Variants in EHMT1 observed in about 807,000 individuals in gnomAD.
EHMT1 encodes histone-lysine N-methyltransferase EHMT1.
In EHMT1, 15 loss-of-function variants were observed where a neutral mutation model predicts 147.2. The ratio of observed to expected loss-of-function variants is 0.10; its 90% CI spans 0.07 to 0.16. The LOEUF is 0.16. EHMT1 is among the 10% of genes least tolerant of loss of function. The pLI is 1.00. For missense variants in EHMT1, 1,587 were observed against 1,772.4 expected (o/e 0.90, Z 1.88); for synonymous variants, 795 against 709.6 (o/e 1.12, Z -1.91).
chr9:137,623,206 C>A (rs1843043055), intron 1 of EHMT1, among the ~76,000 whole-genome samples: 1 of 150,312 alleles, frequency 6.7e-6, no homozygotes, highest in Admixed American at 6.6e-5. Flanking sequence ...GAGCAAGACT[C>A]CGTCTCAAAA....
At chr9:137,631,215 C>T (rs1040367873) in intron 1 of EHMT1, among the ~76,000 whole-genome samples, 1 of 151,882 alleles carries the variant, frequency 6.6e-6, no homozygotes, top group African/African-American at 2.4e-5. Context: ...ATTGGTGGAA[C>T]CCTGTCTCTA....
In EHMT1 at chr9:137,782,275, CTG is replaced by C. The variant is rs1588682427; in HGVS notation, c.2276-12_2276-11del. 2.5e-6 allele frequency: 4 copies of C among 1,606,452 alleles called. No homozygotes were observed. Among genetic ancestry groups the C allele is most frequent in the Non-Finnish European group, 3.4e-6 (4 of 1,174,266 alleles). On this transcript the variant is annotated splice_polypyrimidine_tract_variant and intron_variant, in intron 14 of 26. Coordinates refer to ENST00000460843, the MANE Select transcript of EHMT1 (RefSeq NM_024757.5). The surrounding 1 kb of genome is among the most constrained non-coding windows in gnomAD (Gnocchi z 5.7). ...GCTACATCTGAAATCATTAATAAAA[CTG>C]TGTTTGTTCACAGTGGACGGAATTG...
intron 25 of EHMT1, among the ~76,000 whole-genome samples, chr9:137,818,727 C>T (rs71510847): frequency 3.9e-4 from 7 of 17,764 alleles, no homozygotes; most frequent in South Asian, 2.5e-3. Flanking sequence ...GTACCGAGAC[C>T]GTAGAGAGGC....
chr9:137,669,377 G>GACGCCCCCTCAGCACGTGCACTC (rs1564562646), intron 1 of EHMT1, among the ~76,000 whole-genome samples: 1 of 3,284 alleles, frequency 3.0e-4, no homozygotes, highest in Admixed American at 4.2e-3. Flanking sequence ...CACGTGCACT[G>GACGCCCCCTCAGCACGTGCACTC]GACTCCACCC....
chr9:137,787,147 G>A lies in EHMT1; in HGVS notation c.2383-3701G>A, dbSNP rs1038934265. The A allele has an allele frequency of 1.3e-5, 2 of 152,130 alleles. No individual in the cohort carries two copies. Among genetic ancestry groups the A allele is most frequent in the African/African-American group, 2.4e-5 (1 of 41,356 alleles). The allele number at this position is 152,130 out of a possible 1,614,324, so 9.4% of individuals were successfully genotyped here. ...GAGAGCACTGAGCGAGGTGCCACAC[G>A]CTGCCATCCGAACTCACCACAGACA... On this transcript the variant is annotated intron_variant, in intron 15 of 26. Transcript: ENST00000460843. This position sits in a 1 kb window ranked among gnomAD's most constrained non-coding sequence, Gnocchi z 4.2.
chr9:137,644,503 T>G (rs1844742056), intron 1 of EHMT1, among the ~76,000 whole-genome samples: 2 of 152,150 alleles, frequency 1.3e-5, no homozygotes. Context: ...AATTTTTGTA[T>G]TTTTAATAGA....
chr9:137,675,771 C>A (rs1388760818), intron 1 of EHMT1, among the ~76,000 whole-genome samples: 1 of 145,396 alleles, frequency 6.9e-6, no homozygotes, highest in East Asian at 2.0e-4. Flanking sequence ...ACCAACCACG[C>A]CCGGCTAATT....
intron 1 of EHMT1, among the ~76,000 whole-genome samples, chr9:137,692,876 G>T (rs1943062808): frequency 1.3e-5 from 2 of 152,258 alleles, no homozygotes; most frequent in East Asian, 1.9e-4. Context: ...CTGAGGAGGG[G>T]TGAACACGTG....
intron 25 of EHMT1, among the ~76,000 whole-genome samples, chr9:137,818,574 C>A (rs1274946794): frequency 1.5e-5 from 2 of 133,504 alleles, no homozygotes; most frequent in Non-Finnish European, 3.0e-5. Flanking sequence ...TGTACCGAGA[C>A]CGTAGAGAGG....
chr9:137,626,113 C>T (rs113119355), intron 1 of EHMT1, among the ~76,000 whole-genome samples: 3 of 151,268 alleles, frequency 2.0e-5, no homozygotes, highest in Non-Finnish European at 4.4e-5. Flanking sequence ...GTGATCCACC[C>T]GCCTTGGCCT....
rs1950953429 is a variant in EHMT1, at chr9:137,776,305, T to G, written c.1792-313T>G. 6.6e-6 allele frequency among the ~76,000 whole-genome samples: 1 copy of G among 152,064 alleles called. No individual in the cohort carries two copies. Among genetic ancestry groups the G allele is most frequent in the East Asian group, 1.9e-4 (1 of 5,154 alleles). Reference sequence around the variant, plus strand: ...CCCTGTCCCTATCCGCCCTTCAGAGTAGGGGCCTTCTGGGTCCTTCTTTAG... The same window carrying G: ...CCCTGTCCCTATCCGCCCTTCAGAGGAGGGGCCTTCTGGGTCCTTCTTTAG... On this transcript the variant is annotated intron_variant, in intron 11 of 26. Coordinates refer to ENST00000460843, the MANE Select transcript of EHMT1 (RefSeq NM_024757.5). This position sits in a 1 kb window ranked among gnomAD's most constrained non-coding sequence, Gnocchi z 4.4.
chr9:137,755,768 G>A (rs984984258), intron 8 of EHMT1, among the ~76,000 whole-genome samples: 10 of 152,220 alleles, frequency 6.6e-5, no homozygotes, highest in African/African-American at 2.4e-4. Context: ...ATCTGTGGGT[G>A]TGCAGTGGTG....
At chr9:137,678,117 A>G (rs1346578782) in intron 1 of EHMT1, among the ~76,000 whole-genome samples, 1 of 152,216 alleles carries the variant, frequency 6.6e-6, no homozygotes, top group Non-Finnish European at 1.5e-5. Context: ...AATCAGGTTT[A>G]GTGGAAAAAT....
At chr9:137,723,960 A>C (rs1363360903) in intron 3 of EHMT1, among the ~76,000 whole-genome samples, 1 of 152,224 alleles carries the variant, frequency 6.6e-6, no homozygotes, top group Non-Finnish European at 1.5e-5. Flanking sequence ...CACTGTTGTT[A>C]GGGCAAAGAA....
At chr9:137,694,298 G>A (rs1229606436) in intron 1 of EHMT1, among the ~76,000 whole-genome samples, 9 of 123,542 alleles carry the variant, frequency 7.3e-5, no homozygotes, top group African/African-American at 2.9e-4. Context: ...ACACAGTGGC[G>A]CAGGACGCTA....
rs189078470 is a variant in EHMT1 at position 137,670,228 on chromosome 9, A to G, written c.22-40739A>G. ...CAGTTCTTTGCCCTTCTTTGCGCCAAACTCCTCCAAAGATTTGTGTTTTTT... is the reference window on the plus strand; with the variant it reads ...CAGTTCTTTGCCCTTCTTTGCGCCAGACTCCTCCAAAGATTTGTGTTTTTT... On this transcript the variant is annotated intron_variant, in intron 1 of 26. Transcript: ENST00000460843. Among the ~76,000 whole-genome samples, 10 of 151,660 alleles carry G rather than the reference A, an allele frequency of 6.6e-5. No homozygotes were observed. In the South Asian group the frequency reaches 2.1e-3, roughly 32 times the overall value.
chr9:137,715,378 C>T lies in EHMT1; in HGVS notation c.86-1248C>T, dbSNP rs559128369. On this transcript the variant is annotated intron_variant, in intron 2 of 26. Coordinates refer to ENST00000460843, the MANE Select transcript of EHMT1 (RefSeq NM_024757.5). Reference sequence around the variant, plus strand: ...TTATTCAGAACACACACATTAGATGCCAGGCCTCGTTCATGTGCTCAGGGT... The same window carrying T: ...TTATTCAGAACACACACATTAGATGTCAGGCCTCGTTCATGTGCTCAGGGT... Among the ~76,000 whole-genome samples, 5 of 152,340 alleles carry T rather than the reference C, an allele frequency of 3.3e-5. No homozygotes were observed. The South Asian group carries it at 1.0e-3, about 32-fold the overall frequency.
chr9:137,751,623 C>T (rs1213285877), intron 6 of EHMT1, among the ~76,000 whole-genome samples: 1 of 152,132 alleles, frequency 6.6e-6, no homozygotes, highest in African/African-American at 2.4e-5. Flanking sequence ...CGTCTATTTG[C>T]GTATTGCCTG....
intron 1 of EHMT1, chr9:137,667,437 ACTC>A (rs575454856): frequency 4.7e-5 from 7 of 150,316 alleles, no homozygotes; most frequent in Non-Finnish European, 8.9e-5. Context: ...GCCTCACTCT[ACTC>A]CTCCTCCTCC....
Sources: allele counts gnomAD v4.1 joint callset (sites outside exome capture counted in the v4.1 genomes callset), GRCh38; gene constraint gnomAD v4.1.1; non-coding constraint Gnocchi (gnomAD v3.1); transcripts MANE v1.5; gene names NCBI Gene and HGNC (gene_info 2026-07-23, HGNC 2026-07-21).